ELAPOR2: variants seen among roughly 807,000 people sequenced by gnomAD.
ELAPOR2 encodes the protein endosome/lysosome-associated apoptosis and autophagy regulator family member 2.
A neutral mutation model predicts 120.7 loss-of-function variants in ELAPOR2; 89 were observed. The ratio of observed to expected loss-of-function variants is 0.74; its 90% CI spans 0.62 to 0.88. ELAPOR2 has a LOEUF of 0.88. Ranked by LOEUF, ELAPOR2 falls within the 40% of genes least tolerant of loss-of-function variation. ELAPOR2 has a pLI of 0.00. For synonymous variants in ELAPOR2, 444 were observed against 444.9 expected (o/e 1.00, Z 0.03); for missense variants, 1,134 against 1,251.6 (o/e 0.91, Z 1.42).
At chr7:87,033,737 C>A (rs111945156) in intron 1 of ELAPOR2, among the ~76,000 whole-genome samples, 1 of 151,748 alleles carries the variant, frequency 6.6e-6, no homozygotes, top group African/African-American at 2.4e-5. Context: ...AATTAAGTGC[C>A]ACCATATAAA....
chr7:86,910,194 C>T (rs956619696), intron 15 of ELAPOR2, among the ~76,000 whole-genome samples, 193 bp from the exon 16 acceptor site: 2 of 151,994 alleles, frequency 1.3e-5, no homozygotes, highest in African/African-American at 4.8e-5. Flanking sequence ...CAATATTCAA[C>T]CAAACTTCAG....
In ELAPOR2 at chr7:86,964,757, G is replaced by A. The variant is rs28403961; in HGVS notation, c.310+147C>T. The A allele has an allele frequency of 8.0e-3, 5,664 of 704,576 alleles. 84 individuals carry two copies. Among genetic ancestry groups the A allele is most frequent in the African/African-American group, 0.052 (2,910 of 56,044 alleles). 43.6% of individuals were successfully genotyped at this position (704,576 alleles called of 1,614,324 possible). A position where few individuals can be genotyped will look rare whatever the true frequency, so the allele number is the denominator to read the frequency against. The stretch of plus-strand genomic sequence containing the variant: ...GAGATATAAGGACATCTAGTGATGA[G>A]AAAGGCTGCATTTATTCTGCTGGTT... On this transcript the variant is annotated intron_variant, in intron 2 of 21. Coordinates refer to ENST00000450689, the MANE Select transcript of ELAPOR2 (RefSeq NM_001142749.3).
intron 1 of ELAPOR2, among the ~76,000 whole-genome samples, chr7:87,022,474 CTA>C (rs1298640774): frequency 3.3e-5 from 5 of 152,074 alleles, no homozygotes; most frequent in Non-Finnish European, 7.4e-5. Context: ...TTAATCCAGT[CTA>C]TCATTGTTGA....
rs1174325147 is a variant in ELAPOR2, at chr7:86,878,567, T to A, written c.*1904A>T. 1 of 152,152 alleles carries A rather than the reference T, an allele frequency of 6.6e-6. No individual in the cohort carries two copies. Among genetic ancestry groups the A allele is most frequent in the Non-Finnish European group, 1.5e-5 (1 of 68,040 alleles). 9.4% of individuals were successfully genotyped at this position (152,152 alleles called of 1,614,324 possible). A position where few individuals can be genotyped will look rare whatever the true frequency, so the allele number is the denominator to read the frequency against. The stretch of plus-strand genomic sequence containing the variant: ...CATACATATTGAACACAGTGGAAGA[T>A]GAGGAGAAAGGTGACAGGTGGCTGT... On this transcript the variant is annotated 3_prime_UTR_variant, in exon 22 of 22. Coordinates refer to ENST00000450689, the MANE Select transcript of ELAPOR2 (RefSeq NM_001142749.3).
intron 1 of ELAPOR2, among the ~76,000 whole-genome samples, chr7:86,969,264 C>T (rs1792023660): frequency 6.6e-6 from 1 of 152,090 alleles, no homozygotes; most frequent in Non-Finnish European, 1.5e-5. Flanking sequence ...CCAAAGTCAT[C>T]CACACTACAA....
chr7:86,886,780 C>T (rs764405363), intron 21 of ELAPOR2, among the ~76,000 whole-genome samples: 1 of 152,126 alleles, frequency 6.6e-6, no homozygotes, highest in Non-Finnish European at 1.5e-5. Flanking sequence ...AACTTTATCC[C>T]CTACTCCACG....
At chr7:86,911,763 G>A (rs1789321382) in intron 15 of ELAPOR2, 3 of 517,250 alleles carry the variant, frequency 5.8e-6, no homozygotes, top group Middle Eastern at 2.9e-4. Flanking sequence ...GCCTAAAGAG[G>A]TAAGATTGAC....
At position 86,880,416 on chromosome 7, in the gene ELAPOR2, T is replaced by C; in HGVS notation, c.*55A>G. 1 of 1,307,540 alleles carries C rather than the reference T, an allele frequency of 7.6e-7. No homozygotes were observed. Among genetic ancestry groups the C allele is most frequent in the South Asian group, 1.2e-5 (1 of 84,108 alleles). The allele number at this position is 1,307,540 out of a possible 1,614,324, so 81.0% of individuals were successfully genotyped here. On this transcript the variant is annotated 3_prime_UTR_variant, in exon 22 of 22. Coordinates refer to ENST00000450689, the MANE Select transcript of ELAPOR2 (RefSeq NM_001142749.3). ...GGACAGACCCTAAAATATGGTCCTGTAAAACTAGAGCAGGTTTCTTTGTTC... is the reference window on the plus strand; with the variant it reads ...GGACAGACCCTAAAATATGGTCCTGCAAAACTAGAGCAGGTTTCTTTGTTC...
chr7:86,892,936 C>G lies in ELAPOR2; in HGVS notation c.2850G>C (p.Trp950Cys), dbSNP rs755374858. The G allele has an allele frequency of 6.5e-7, 1 of 1,540,494 alleles. No homozygotes were observed. Among genetic ancestry groups the G allele is most frequent in the African/African-American group, 1.4e-5 (1 of 69,730 alleles). Residue 950 changes from tryptophan (W) to cysteine (C), a missense_variant, in exon 20 of 22, where the codon TGG becomes TGC. Around this residue, in one of 3 missense-constraint regions of ELAPOR2, gnomAD observed 831 missense variants for 867.6 expected, o/e 0.96. Transcript: ENST00000450689. ...VLLVALTCYFWKKNQKLEYKY... is the reference protein window; with the variant it reads ...VLLVALTCYFCKKNQKLEYKY... Reference sequence around the variant, plus strand: ...AGGGTACTTACTTTTGATTCTTTTTCCAGAAGTAGCAGGTCAGAGCCACCA... The same window carrying G: ...AGGGTACTTACTTTTGATTCTTTTTGCAGAAGTAGCAGGTCAGAGCCACCA...
At chr7:87,038,760 T>C (rs1794667532) in intron 1 of ELAPOR2, among the ~76,000 whole-genome samples, 1 of 151,820 alleles carries the variant, frequency 6.6e-6, no homozygotes, top group African/African-American at 2.4e-5. Flanking sequence ...AAACACAACA[T>C]ACCAAAACTT....
At chr7:87,021,699 C>T (rs1048508636) in intron 1 of ELAPOR2, among the ~76,000 whole-genome samples, 1 of 152,156 alleles carries the variant, frequency 6.6e-6, no homozygotes, top group African/African-American at 2.4e-5. Context: ...TATACTCTCA[C>T]CTGTAAGTTA....
intron 1 of ELAPOR2, among the ~76,000 whole-genome samples, chr7:86,982,399 C>A (rs1792535005): frequency 6.6e-6 from 1 of 152,200 alleles, no homozygotes; most frequent in South Asian, 2.1e-4. Context: ...CTGGGAGATA[C>A]CTCCCAGTAG....
chr7:86,985,187 GA>G (rs1233664048), intron 1 of ELAPOR2, among the ~76,000 whole-genome samples: 1 of 152,174 alleles, frequency 6.6e-6, no homozygotes, highest in African/African-American at 2.4e-5. Context: ...CTCTGAAATT[GA>G]GGCAATAATT....
chr7:87,055,471 T>C (rs1469762131), intron 1 of ELAPOR2, among the ~76,000 whole-genome samples: 1 of 152,190 alleles, frequency 6.6e-6, no homozygotes, highest in Non-Finnish European at 1.5e-5. Flanking sequence ...ATTAAGCTTC[T>C]CATTGCATGC....
chr7:86,883,753 TG>T (rs539403884), intron 21 of ELAPOR2, among the ~76,000 whole-genome samples: 6 of 152,330 alleles, frequency 3.9e-5, no homozygotes, highest in African/African-American at 1.4e-4. Flanking sequence ...TGGGATTGAC[TG>T]CATGTAAAAA....
intron 1 of ELAPOR2, among the ~76,000 whole-genome samples, chr7:87,012,421 A>T (rs35831715): frequency 2.3e-4 from 35 of 152,212 alleles, no homozygotes; most frequent in South Asian, 6.2e-4. Flanking sequence ...AAAGAAATTA[A>T]AAAAAAGTAG....
intron 2 of ELAPOR2, among the ~76,000 whole-genome samples, chr7:86,951,983 C>T (rs1276530163): frequency 6.6e-6 from 1 of 152,086 alleles, no homozygotes; most frequent in African/African-American, 2.4e-5. Flanking sequence ...TTTTAAGCAG[C>T]AAAATCACCC....
At chr7:86,997,203 A>G (rs1156462744) in intron 1 of ELAPOR2, among the ~76,000 whole-genome samples, 2 of 152,196 alleles carry the variant, frequency 1.3e-5, no homozygotes, top group Middle Eastern at 3.2e-3. Flanking sequence ...GTTGTTATCA[A>G]ACGAAAGAAG....
chr7:86,907,117 T>C (rs967038925), intron 18 of ELAPOR2, among the ~76,000 whole-genome samples: 6 of 152,130 alleles, frequency 3.9e-5, no homozygotes, highest in African/African-American at 1.4e-4. Flanking sequence ...TGCTAATTTG[T>C]GTTAAATGAA....
Sources: allele counts gnomAD v4.1 joint callset (sites outside exome capture counted in the v4.1 genomes callset), GRCh38; gene constraint gnomAD v4.1.1; regional missense constraint gnomAD v4.1.1; transcripts MANE v1.5; gene names NCBI Gene and HGNC (gene_info 2026-07-23, HGNC 2026-07-21).